Variants in MEG3 observed in about 807,000 individuals in gnomAD.
MEG3 encodes maternally expressed 3.
intron 3 of MEG3, chr14:100,848,723 T>G (rs1162179043): frequency 6.6e-6 from 1 of 152,260 alleles, no homozygotes; most frequent in East Asian, 1.9e-4. Flanking sequence ...GAAGTTTGTT[T>G]TTTAAATGAC....
At chr14:100,834,772 G>A (rs544543699) in exon 1 of MEG3, 3 of 456,518 alleles carry the variant, frequency 6.6e-6, no homozygotes, top group Non-Finnish European at 1.3e-5. Flanking sequence ...GAAAGGACTC[G>A]ACCACCACAG....
chr14:100,853,420 T>C (rs1274910026), upstream of MEG3: 1 of 152,144 alleles, frequency 6.6e-6, no homozygotes, highest in African/African-American at 2.4e-5. Context: ...TGGATGGCAC[T>C]TGACCTAGAG....
chr14:100,830,033 G>A (rs2037352926), downstream of MEG3: 1 of 152,190 alleles, frequency 6.6e-6, no homozygotes, highest in Admixed American at 6.5e-5. Flanking sequence ...TTGCTGGGAG[G>A]TGTAAGTATT....
downstream of MEG3, chr14:100,830,642 A>G (rs1052063564): frequency 1.3e-5 from 2 of 152,226 alleles, no homozygotes; most frequent in African/African-American, 4.8e-5. Flanking sequence ...GGCACCGACA[A>G]TCTGCCCAGT....
chr14:100,842,776 C>T (rs1400611334), intron 2 of MEG3, among the ~76,000 whole-genome samples: 1 of 152,168 alleles, frequency 6.6e-6, no homozygotes, highest in East Asian at 1.9e-4. Flanking sequence ...TCCTAAGATG[C>T]AGAGCTAGAG....
intron 1 of MEG3, among the ~76,000 whole-genome samples, chr14:100,826,858 C>G (rs2037247019): frequency 6.6e-6 from 1 of 152,100 alleles, no homozygotes; most frequent in Non-Finnish European, 1.5e-5. Context: ...CCTGATCAGC[C>G]ACTTTCACAG....
In MEG3 at chr14:100,837,341, G is replaced by A. The variant is rs1482379786; in HGVS notation, n.3045+1041G>A. ...CCACTGCCCTGGGAGGCAGTGTCAG[G>A]ATCCTGGCACCCCTCATATATGACG... On this transcript the variant is annotated intron_variant and non_coding_transcript_variant, in intron 2 of 3. Coordinates refer to the MEG3 transcript ENST00000398461. The surrounding 1 kb of genome is among the most constrained non-coding windows in gnomAD (Gnocchi z 5.8). 6.6e-6 allele frequency among the ~76,000 whole-genome samples: 1 copy of A among 152,196 alleles called. No individual in the cohort carries two copies. The highest frequency in any genetic ancestry group is 2.4e-5 in the African/African-American group (1 of 41,460).
intron 3 of MEG3, chr14:100,852,209 T>G (rs1485144665): frequency 5.0e-6 from 2 of 403,438 alleles, no homozygotes; most frequent in East Asian, 1.4e-4. Context: ...GCTAGTGTGA[T>G]GCTTGAGGTC....
chr14:100,843,570 C>T (rs2037822492), intron 2 of MEG3, among the ~76,000 whole-genome samples: 1 of 152,176 alleles, frequency 6.6e-6, no homozygotes, highest in African/African-American at 2.4e-5. Context: ...TATGGCAGAA[C>T]AGGGTTTATG....
At chr14:100,828,916 T>TA (rs2037324548) in intron 2 of MEG3, 1 of 152,128 alleles carries the variant, frequency 6.6e-6, no homozygotes, top group Non-Finnish European at 1.5e-5. Context: ...CACTAGCAAT[T>TA]AAAAGACAAT....
At chr14:100,854,041 A>G (rs2038168260), upstream of MEG3, 1 of 152,224 alleles carries the variant, frequency 6.6e-6, no homozygotes, top group Admixed American at 6.5e-5. Flanking sequence ...GGAAGGATGG[A>G]TTGGTGAATG....
chr14:100,843,413 C>T (rs1030313207), intron 2 of MEG3, among the ~76,000 whole-genome samples: 5 of 152,076 alleles, frequency 3.3e-5, no homozygotes, highest in Non-Finnish European at 7.4e-5. Flanking sequence ...GGGTGGGAAA[C>T]GGTCTCGAGT....
At chr14:100,846,903 G>A (rs2037933361) in intron 3 of MEG3, 1 of 151,610 alleles carries the variant, frequency 6.6e-6, no homozygotes, top group South Asian at 2.1e-4. Flanking sequence ...TATGAGTAGT[G>A]AAGTGCAGAA....
At chr14:100,834,578 C>G (rs970014876) in exon 1 of MEG3, 6 of 412,492 alleles carry the variant, frequency 1.5e-5, no homozygotes, top group African/African-American at 4.1e-5. Context: ...CTTCTGTTGC[C>G]TTCTTCCTCG....
chr14:100,843,210 T>G (rs923378246), intron 2 of MEG3, among the ~76,000 whole-genome samples: 1 of 152,202 alleles, frequency 6.6e-6, no homozygotes, highest in Non-Finnish European at 1.5e-5. Context: ...TTCCTGCTTC[T>G]GATTTCTCCG....
intron 2 of MEG3, among the ~76,000 whole-genome samples, chr14:100,838,010 A>C (rs563379001): frequency 6.6e-6 from 1 of 152,196 alleles, no homozygotes; most frequent in South Asian, 2.1e-4. Context: ...TTGCTGAGCC[A>C]CCTGCAAACA....
chr14:100,834,671 CGTGTCTCCTCAGG>C, exon 1 of MEG3: 2 of 456,538 alleles, frequency 4.4e-6, no homozygotes, highest in Non-Finnish European at 8.8e-6. Flanking sequence ...TGACCAGCCC[CGTGTCTCCTCAGG>C]GTGTCCCAGC....
At chr14:100,858,227 A>C (rs970187538) in exon 1 of MEG3, 1 of 152,700 alleles carries the variant, frequency 6.5e-6, no homozygotes, top group Non-Finnish European at 1.5e-5. Context: ...CCAAGAGCCC[A>C]GGAGTGCTCT....
chr14:100,840,146 G>A (rs1399163960), intron 2 of MEG3, among the ~76,000 whole-genome samples: 2 of 152,224 alleles, frequency 1.3e-5, no homozygotes, highest in Non-Finnish European at 2.9e-5. Flanking sequence ...GGAGAGGATG[G>A]TGGTGAAGGG....
Sources: allele counts gnomAD v4.1 joint callset (sites outside exome capture counted in the v4.1 genomes callset), GRCh38; gene constraint gnomAD v4.1.1; non-coding constraint Gnocchi (gnomAD v3.1); transcripts MANE v1.5; gene names NCBI Gene and HGNC (gene_info 2026-07-23, HGNC 2026-07-21).